ROBO2: variants seen among roughly 807,000 people sequenced by gnomAD.
The protein encoded by ROBO2 is roundabout homolog 2.
A neutral mutation model predicts 160.8 loss-of-function variants in ROBO2; 53 were observed. That is an observed-to-expected ratio of 0.33 (90% CI 0.26 to 0.41). ROBO2 has a LOEUF of 0.41. Ranked by LOEUF, ROBO2 falls within the 10% of genes least tolerant of loss-of-function variation. The probability of loss-of-function intolerance (pLI) is 1.00; values close to 1 mark genes in which losing one functional copy is unlikely to be tolerated. For synonymous variants in ROBO2, 664 were observed against 611.7 expected (o/e 1.09, Z -1.26); for missense variants, 1,577 against 1,722.4 (o/e 0.92, Z 1.49).
chr3:77,517,102 T>C (rs974673543), intron 5 of ROBO2, among the ~76,000 whole-genome samples: 1 of 151,538 alleles, frequency 6.6e-6, no homozygotes, highest in Non-Finnish European at 1.5e-5. Context: ...ATATGTGCTT[T>C]GAAGAAAATA....
intron 2 of ROBO2, among the ~76,000 whole-genome samples, chr3:76,834,112 T>TTCTTTCTTTCTTTCTTTC (rs1267085073): frequency 2.1e-5 from 3 of 145,402 alleles, no homozygotes; most frequent in African/African-American, 7.7e-5. Context: ...CTTTCTTTCT[T>TTCTTTCTTTCTTTCTTTC]TCTCTCTGTC....
intron 2 of ROBO2, among the ~76,000 whole-genome samples, chr3:76,452,224 T>G (rs190899582): frequency 3.9e-5 from 6 of 152,174 alleles, no homozygotes; most frequent in Admixed American, 3.9e-4. Flanking sequence ...ATGTGCACAA[T>G]GTGTAGGTTA....
chr3:77,551,235 T>A (rs536740124), intron 8 of ROBO2, among the ~76,000 whole-genome samples: 19 of 152,134 alleles, frequency 1.2e-4, no homozygotes, highest in African/African-American at 3.6e-4. Context: ...TGCATTTTTT[T>A]AAATAAATGT....
At chr3:76,090,180 G>A (rs1446867585) in intron 2 of ROBO2, among the ~76,000 whole-genome samples, 2 of 152,116 alleles carry the variant, frequency 1.3e-5, no homozygotes, top group Admixed American at 6.5e-5. Context: ...AAAAAGCTAG[G>A]CTGGGTGCAG....
At chr3:76,470,194 T>A (rs183444203) in intron 2 of ROBO2, among the ~76,000 whole-genome samples, 1 of 152,314 alleles carries the variant, frequency 6.6e-6, no homozygotes, top group Admixed American at 6.5e-5. Context: ...TTATCATTGC[T>A]ATCACAGCTG....
chr3:76,535,710 T>A (rs2082460055), intron 2 of ROBO2, among the ~76,000 whole-genome samples: 1 of 152,058 alleles, frequency 6.6e-6, no homozygotes, highest in Non-Finnish European at 1.5e-5. Flanking sequence ...GGGGGAGTTT[T>A]AAGAAGTTTA....
At chr3:76,325,804 G>T (rs79482484) in intron 2 of ROBO2, among the ~76,000 whole-genome samples, 10,390 of 151,852 alleles carry the variant, frequency 0.068, 438 homozygotes, top group African/African-American at 0.12. Flanking sequence ...ACGTGGAAAG[G>T]CATTGGGAAT....
chr3:77,560,528 A>G (rs932844765), intron 9 of ROBO2, among the ~76,000 whole-genome samples: 1 of 152,100 alleles, frequency 6.6e-6, no homozygotes, highest in African/African-American at 2.4e-5. Flanking sequence ...TGGGCTTTCC[A>G]ATAGTTCACT....
chr3:77,487,867 T>C (rs539416211), intron 4 of ROBO2, among the ~76,000 whole-genome samples: 2 of 152,316 alleles, frequency 1.3e-5, no homozygotes, highest in African/African-American at 4.8e-5. Flanking sequence ...TTATGGTCAT[T>C]TGAGAAATAG....
intron 2 of ROBO2, among the ~76,000 whole-genome samples, chr3:76,359,190 G>T (rs2075360645): frequency 6.6e-6 from 1 of 151,718 alleles, no homozygotes; most frequent in African/African-American, 2.4e-5. Context: ...CATTTGAGTT[G>T]GTTCCAAGTC....
chr3:77,512,063 A>G (rs960594701), intron 5 of ROBO2, among the ~76,000 whole-genome samples: 1 of 151,918 alleles, frequency 6.6e-6, no homozygotes, highest in Non-Finnish European at 1.5e-5. Flanking sequence ...GAAAAGTGTG[A>G]CCTGTGGTTG....
At chr3:76,917,387 C>G (rs1339682956) in intron 2 of ROBO2, among the ~76,000 whole-genome samples, 1 of 151,984 alleles carries the variant, frequency 6.6e-6, no homozygotes, top group Non-Finnish European at 1.5e-5. Context: ...CATGGACATA[C>G]AAAAAATGAG....
intron 2 of ROBO2, among the ~76,000 whole-genome samples, chr3:76,914,943 A>C (rs1245274141): frequency 6.6e-6 from 1 of 152,230 alleles, no homozygotes; most frequent in Non-Finnish European, 1.5e-5. Flanking sequence ...CCACTGCCAC[A>C]CTGAGGTGAC....
chr3:77,380,955 C>G (rs1302969229), intron 2 of ROBO2, among the ~76,000 whole-genome samples: 1 of 151,926 alleles, frequency 6.6e-6, no homozygotes, highest in Admixed American at 6.6e-5. Context: ...ACTGGCAAAT[C>G]CCCACCACTA....
intron 2 of ROBO2, among the ~76,000 whole-genome samples, chr3:76,857,742 G>A (rs2070288407): frequency 6.6e-6 from 1 of 152,128 alleles, no homozygotes; most frequent in Non-Finnish European, 1.5e-5. Context: ...ACACTCATAT[G>A]ATCATGCAAC....
rs965579096 is a variant in ROBO2, at chr3:77,029,950, C to CT, written c.110-68051dup. ...ATTATCATAAAAATGCCATTCAGTT[C>CT]TTTTTTTTTTTTTGAGACAGAGTCT... On this transcript the variant is annotated intron_variant, in intron 2 of 26. Coordinates refer to the ROBO2 transcript ENST00000487694. Among the ~76,000 whole-genome samples, 392 of 144,682 alleles carry CT rather than the reference C, an allele frequency of 2.7e-3. 1 individual carries two copies. Among genetic ancestry groups the CT allele is most frequent in the South Asian group, 0.012 (54 of 4,548 alleles). 94.9% of individuals were successfully genotyped at this position (144,682 alleles called of 152,430 possible). A position where few individuals can be genotyped will look rare whatever the true frequency, so the allele number is the denominator to read the frequency against.
chr3:76,568,463 ATT>A (rs56210601), intron 2 of ROBO2, among the ~76,000 whole-genome samples: 122,285 of 143,128 alleles, frequency 0.85, 53,106 homozygotes, highest in East Asian at 0.99. Context: ...CGCCCAGATA[ATT>A]TTTTTTTTTT....
chr3:76,224,856 C>G (rs1424859080), intron 2 of ROBO2, among the ~76,000 whole-genome samples: 3 of 152,108 alleles, frequency 2.0e-5, no homozygotes, highest in Admixed American at 6.6e-5. Context: ...AACACGAGGT[C>G]TATAATTAAT....
intron 2 of ROBO2, among the ~76,000 whole-genome samples, chr3:76,595,989 G>T (rs2086710509): frequency 6.6e-6 from 1 of 152,032 alleles, no homozygotes; most frequent in Non-Finnish European, 1.5e-5. Flanking sequence ...GGCTCATGGT[G>T]TAACATACAC....
Sources: allele counts gnomAD v4.1 joint callset (sites outside exome capture counted in the v4.1 genomes callset), GRCh38; gene constraint gnomAD v4.1.1; transcripts MANE v1.5; gene names NCBI Gene and HGNC (gene_info 2026-07-23, HGNC 2026-07-21).